The following CAMK1D variants were observed in gnomAD, a reference collection of about 807,000 sequenced individuals.
CAMK1D encodes calcium/calmodulin-dependent protein kinase type 1D.
Under a neutral mutation model 47.7 loss-of-function variants are expected in CAMK1D, and 9 were observed. That is an observed-to-expected ratio of 0.19 (90% CI 0.11 to 0.33). The LOEUF is 0.33. Among genes scored for constraint, CAMK1D ranks in the 10% least tolerant of loss-of-function variants. The probability of loss-of-function intolerance (pLI) is 1.00; values close to 1 mark genes in which losing one functional copy is unlikely to be tolerated. For synonymous variants in CAMK1D, 184 were observed against 184.9 expected (o/e 0.99, Z 0.04); for missense variants, 291 against 488.7 (o/e 0.60, Z 3.81).
At chr10:12,480,604 A>G (rs1303866376) in intron 1 of CAMK1D, among the ~76,000 whole-genome samples, 1 of 151,922 alleles carries the variant, frequency 6.6e-6, no homozygotes, top group African/African-American at 2.4e-5. Flanking sequence ...TCTCACAATA[A>G]CCTCGTGGGG....
At chr10:12,796,705 G>A (rs1194652549) in intron 6 of CAMK1D, among the ~76,000 whole-genome samples, 1 of 152,182 alleles carries the variant, frequency 6.6e-6, no homozygotes, top group African/African-American at 2.4e-5. Flanking sequence ...GTTCACTGAT[G>A]TGGCCAGCGG....
chr10:12,371,261 T>C (rs1171429021), intron 1 of CAMK1D, among the ~76,000 whole-genome samples: 1 of 152,074 alleles, frequency 6.6e-6, no homozygotes, highest in Non-Finnish European at 1.5e-5. Flanking sequence ...ACTAGTGCCC[T>C]ATACAGGTTC....
chr10:12,503,975 A>G (rs1437726977), intron 1 of CAMK1D, among the ~76,000 whole-genome samples: 2 of 152,148 alleles, frequency 1.3e-5, no homozygotes, highest in African/African-American at 4.8e-5. Context: ...AAACAGTTCC[A>G]CAGGGCACCT....
intron 2 of CAMK1D, among the ~76,000 whole-genome samples, chr10:12,602,924 T>TATTATTATTATTATTATTATTATTA (rs1554795394): frequency 1.3e-5 from 2 of 149,428 alleles, no homozygotes; most frequent in Non-Finnish European, 1.5e-5. Flanking sequence ...TTATTATTAT[T>TATTATTATTATTATTATTATTATTA]TTGAGACAGA....
Position 12,621,244 on chromosome 10 carries a change from T to C in CAMK1D, c.225-45492T>C, listed in dbSNP as rs1211490899. ...TTCCTCCCACTGTTGTTTTTCAGAG[T>C]TGTTTAGCTATATTCTAGTTCCTTT... On this transcript the variant is annotated intron_variant, in intron 2 of 10. Coordinates refer to ENST00000619168, the MANE Select transcript of CAMK1D (RefSeq NM_153498.4). Among the ~76,000 whole-genome samples, 3 of 150,716 alleles carry C rather than the reference T, an allele frequency of 2.0e-5. No individual in the cohort carries two copies. In the East Asian group the frequency reaches 5.9e-4, roughly 30 times the overall value.
intron 1 of CAMK1D, among the ~76,000 whole-genome samples, chr10:12,530,664 G>A (rs1353056903): frequency 2.0e-5 from 3 of 152,220 alleles, no homozygotes; most frequent in Non-Finnish European, 2.9e-5. Context: ...GGGAGGCAGC[G>A]GTTCCCCCTA....
At chr10:12,403,491 G>A (rs987721966) in intron 1 of CAMK1D, among the ~76,000 whole-genome samples, 4 of 152,032 alleles carry the variant, frequency 2.6e-5, no homozygotes, top group Non-Finnish European at 2.9e-5. Context: ...CCAGAAGAGT[G>A]GGCACTCAAA....
At chr10:12,818,979 G>A (rs1832913549) in intron 8 of CAMK1D, among the ~76,000 whole-genome samples, 1 of 152,130 alleles carries the variant, frequency 6.6e-6, no homozygotes, top group Non-Finnish European at 1.5e-5. Flanking sequence ...CTTTAAAGCT[G>A]TAAGACTTTT....
Position 12,465,102 on chromosome 10 carries a change from G to A in CAMK1D, c.93-88123G>A, listed in dbSNP as rs1466992691. Among the ~76,000 whole-genome samples the A allele has an allele frequency of 2.6e-5, 4 of 152,318 alleles. No individual in the cohort carries two copies. The East Asian group carries it at 7.7e-4, about 29-fold the overall frequency. ...TAAAGCACGCAGTTTGTGCATTTCA[G>A]TTATGTGCAGAGGTTTAATGGTAGA... On this transcript the variant is annotated intron_variant, in intron 1 of 10. Coordinates refer to ENST00000619168, the MANE Select transcript of CAMK1D (RefSeq NM_153498.4).
chr10:12,680,307 G>C (rs1157459665), intron 3 of CAMK1D, among the ~76,000 whole-genome samples: 1 of 152,194 alleles, frequency 6.6e-6, no homozygotes, highest in Non-Finnish European at 1.5e-5. Flanking sequence ...GCTTCCATTT[G>C]CTTCTCATGA....
chr10:12,458,296 A>G (rs1833317927), intron 1 of CAMK1D, among the ~76,000 whole-genome samples: 1 of 152,230 alleles, frequency 6.6e-6, no homozygotes, highest in Non-Finnish European at 1.5e-5. Flanking sequence ...AGTGAGGAAG[A>G]GAAGGCTCAT....
chr10:12,716,814 T>C (rs1320269106), intron 3 of CAMK1D, among the ~76,000 whole-genome samples: 2 of 152,160 alleles, frequency 1.3e-5, no homozygotes, highest in Non-Finnish European at 2.9e-5. Flanking sequence ...TTCACTGCAA[T>C]TCGTGATGGG....
At chr10:12,495,833 T>G (rs1012999599) in intron 1 of CAMK1D, among the ~76,000 whole-genome samples, 1 of 152,162 alleles carries the variant, frequency 6.6e-6, no homozygotes, top group African/African-American at 2.4e-5. Flanking sequence ...ATGTATATAT[T>G]TTTTTTCTTC....
At chr10:12,779,200 A>G (rs1837389866) in intron 5 of CAMK1D, among the ~76,000 whole-genome samples, 1 of 152,226 alleles carries the variant, frequency 6.6e-6, no homozygotes. Context: ...AAGATTGGGA[A>G]TCCATTTAAT....
intron 1 of CAMK1D, among the ~76,000 whole-genome samples, chr10:12,522,724 G>T (rs1049870912): frequency 1.3e-5 from 2 of 151,820 alleles, no homozygotes; most frequent in Non-Finnish European, 2.9e-5. Context: ...ACACCTCCCA[G>T]ACGGGGTGGT....
intron 1 of CAMK1D, among the ~76,000 whole-genome samples, chr10:12,468,569 C>T (rs973576851): frequency 3.5e-4 from 53 of 152,180 alleles, no homozygotes; most frequent in Admixed American, 6.5e-4. Context: ...CCTGGAGTGG[C>T]ATGGCATGGA....
At chr10:12,520,174 C>T (rs1472166482) in intron 1 of CAMK1D, among the ~76,000 whole-genome samples, 2 of 74,710 alleles carry the variant, frequency 2.7e-5, no homozygotes, top group African/African-American at 5.2e-5. Context: ...ACTTCTCAGA[C>T]GGGGCGGTTG....
chr10:12,643,141 A>G (rs1421996753), intron 2 of CAMK1D, among the ~76,000 whole-genome samples: 1 of 152,128 alleles, frequency 6.6e-6, no homozygotes, highest in African/African-American at 2.4e-5. Context: ...AGCTGGAATT[A>G]CAGGCGCCCC....
At chr10:12,763,137 C>A (rs553947163) in intron 4 of CAMK1D, among the ~76,000 whole-genome samples, 1 of 152,112 alleles carries the variant, frequency 6.6e-6, no homozygotes, top group East Asian at 1.9e-4. Context: ...TTAAGATCAC[C>A]GGGCCTGTCG....
Sources: allele counts gnomAD v4.1 joint callset (sites outside exome capture counted in the v4.1 genomes callset), GRCh38; gene constraint gnomAD v4.1.1; transcripts MANE v1.5; gene names NCBI Gene and HGNC (gene_info 2026-07-23, HGNC 2026-07-21).